The following EPB41L1 variants were observed in gnomAD, a reference collection of about 807,000 sequenced individuals.
EPB41L1 encodes the protein band 4.1-like protein 1.
Under a neutral mutation model 97.8 loss-of-function variants are expected in EPB41L1, and 29 were observed. That is an observed-to-expected ratio of 0.30 (90% confidence interval 0.22 to 0.40). EPB41L1 has a LOEUF of 0.40. Among genes scored for constraint, EPB41L1 ranks in the 10% least tolerant of loss-of-function variants. The pLI, the probability that EPB41L1 is intolerant of heterozygous loss-of-function variation, is 1.00. For missense variants in EPB41L1, 812 were observed against 1,162.3 expected (o/e 0.70, Z 4.38); for synonymous variants, 383 against 459.2 (o/e 0.83, Z 2.12).
At chr20:36,202,645 A>C (rs1387524746) in intron 14 of EPB41L1, among the ~76,000 whole-genome samples, 1 of 150,990 alleles carries the variant, frequency 6.6e-6, no homozygotes, top group Admixed American at 6.6e-5. Flanking sequence ...AATACAAATA[A>C]TAATAATAAT....
intron 1 of EPB41L1, among the ~76,000 whole-genome samples, chr20:36,167,854 G>A (rs2060805432): frequency 6.6e-6 from 1 of 152,110 alleles, no homozygotes; most frequent in Non-Finnish European, 1.5e-5. Flanking sequence ...AGACCATGGA[G>A]CAGGCTGGGG....
chr20:36,109,753 G>A lies in EPB41L1; in HGVS notation c.-64-2673G>A, dbSNP rs1250728719. ...TACAGATGAGGAAGCTGAGGCCTGT[G>A]AAGGGAAAGTGACCTGGCTACACAG... is the stretch of plus-strand genomic sequence containing the variant. On this transcript the variant is annotated intron_variant, in intron 1 of 19. Transcript: ENST00000202028. 2.0e-5 allele frequency: 3 copies of A among 152,278 alleles called. No individual in the cohort carries two copies. The East Asian group carries it at 5.8e-4, about 29-fold the overall frequency. The allele number at this position is 152,278 out of a possible 1,614,324, so 9.4% of individuals were successfully genotyped here. A position where few individuals can be genotyped will look rare whatever the true frequency, so the allele number is the denominator to read the frequency against.
chr20:36,142,044 G>A (rs1008712912), intron 2 of EPB41L1, among the ~76,000 whole-genome samples: 1 of 151,486 alleles, frequency 6.6e-6, no homozygotes, highest in African/African-American at 2.4e-5. Context: ...AGGAGGCGGA[G>A]GTTGCAGTGA....
At chr20:36,132,158 A>G (rs892993268) in intron 2 of EPB41L1, among the ~76,000 whole-genome samples, 2 of 152,134 alleles carry the variant, frequency 1.3e-5, no homozygotes, top group Admixed American at 6.5e-5. Context: ...GCCCTAACAA[A>G]TGACCATATA....
rs775663275 is a variant in EPB41L1, at chr20:36,207,273, T to C, written c.1669-2215T>C. ...TTGTGGTGTCCCCTGCCACAGGAGGTGAGCGCAGGCCTCCTCCCATCACCA... is the reference window on the plus strand; with the variant it reads ...TTGTGGTGTCCCCTGCCACAGGAGGCGAGCGCAGGCCTCCTCCCATCACCA... On this transcript the variant is annotated intron_variant, in intron 14 of 21. Coordinates refer to ENST00000338074, the MANE Select transcript of EPB41L1 (RefSeq NM_012156.2). The surrounding 1 kb of genome is among the most constrained non-coding windows in gnomAD (Gnocchi z 4.9). The C allele has an allele frequency of 4.7e-6, 6 of 1,277,474 alleles. No individual in the cohort carries two copies. The highest frequency in any genetic ancestry group is 6.1e-6 in the Non-Finnish European group (6 of 981,542). 79.1% of individuals were successfully genotyped at this position (1,277,474 alleles called of 1,614,324 possible).
intron 21 of EPB41L1, among the ~76,000 whole-genome samples, chr20:36,226,781 T>C (rs2064182392): frequency 6.6e-6 from 1 of 152,232 alleles, no homozygotes; most frequent in African/African-American, 2.4e-5. Context: ...AACACTGTAT[T>C]GTTTAGATGT....
At chr20:36,224,256 T>G (rs986412376) in intron 21 of EPB41L1, among the ~76,000 whole-genome samples, 4 of 152,208 alleles carry the variant, frequency 2.6e-5, no homozygotes, top group African/African-American at 9.7e-5. Flanking sequence ...TTTTGAAAAT[T>G]TAATATAAAA....
chr20:36,138,111 C>T (rs1569105484), intron 2 of EPB41L1, among the ~76,000 whole-genome samples: 1 of 152,204 alleles, frequency 6.6e-6, no homozygotes, highest in Non-Finnish European at 1.5e-5. Context: ...TTTATCCACT[C>T]ATCTGTCGAT....
chr20:36,200,761 TTGTG>T (rs933849264), intron 14 of EPB41L1: 1 of 400,666 alleles, frequency 2.5e-6, no homozygotes, highest in Non-Finnish European at 5.0e-6. Context: ...TTTATGGACT[TTGTG>T]TGTGTGTCTC....
chr20:36,106,498 G>A (rs1378679398), intron 1 of EPB41L1, among the ~76,000 whole-genome samples: 2 of 152,190 alleles, frequency 1.3e-5, no homozygotes, highest in Admixed American at 1.3e-4. Flanking sequence ...GAACACTACA[G>A]GAGTTCCTAT....
At chr20:36,197,286 G>A (rs1489299693) in intron 13 of EPB41L1, among the ~76,000 whole-genome samples, 1 of 152,236 alleles carries the variant, frequency 6.6e-6, no homozygotes, top group Non-Finnish European at 1.5e-5. Context: ...CAGGGCCTGA[G>A]CAGTTGTGCA....
intron 1 of EPB41L1, among the ~76,000 whole-genome samples, chr20:36,166,095 G>T (rs1347414387): frequency 6.6e-6 from 1 of 152,246 alleles, no homozygotes; most frequent in African/African-American, 2.4e-5. Context: ...TAGCCACAAA[G>T]GCTCCCAAGG....
chr20:36,210,984 G>A (rs972771328), intron 15 of EPB41L1, among the ~76,000 whole-genome samples: 1 of 152,114 alleles, frequency 6.6e-6, no homozygotes, highest in East Asian at 1.9e-4. Flanking sequence ...AAGGCAGGGG[G>A]ATCACTTGAG....
Position 36,207,073 on chromosome 20 carries a change from G to A in EPB41L1, c.1669-2415G>A, listed in dbSNP as rs537141941. ...GGCTTCAGCATTTCTTCACATGGAG[G>A]TGATCATTCCCCTGCCAGCCTCCCC... On this transcript the variant is annotated intron_variant, in intron 14 of 21. Coordinates refer to ENST00000338074, the MANE Select transcript of EPB41L1 (RefSeq NM_012156.2). The surrounding 1 kb of genome is among the most constrained non-coding windows in gnomAD (Gnocchi z 4.9). The A allele has an allele frequency of 4.9e-5, 63 of 1,289,490 alleles. No individual in the cohort carries two copies. The African/African-American group carries it at 8.8e-4, about 18-fold the overall frequency. 79.9% of individuals were successfully genotyped at this position (1,289,490 alleles called of 1,614,324 possible).
At chr20:36,126,762 C>CTGTTATTT (rs2058987697) in intron 2 of EPB41L1, among the ~76,000 whole-genome samples, 1 of 152,220 alleles carries the variant, frequency 6.6e-6, no homozygotes, top group African/African-American at 2.4e-5. Context: ...CTCCCTCTCT[C>CTGTTATTT]TGTTATTTTC....
At position 36,218,863 on chromosome 20, in the gene EPB41L1, A is replaced by G. The variant is rs748733128; in HGVS notation, c.2269-13A>G. The stretch of plus-strand genomic sequence containing the variant: ...GCTGAGAGCTGGCCATCTGAGCACT[A>G]TTGTTTCCCCAGGAGAACAGTCTCA... On this transcript the variant is annotated splice_polypyrimidine_tract_variant and intron_variant, in intron 17 of 21. Coordinates refer to ENST00000338074, the MANE Select transcript of EPB41L1 (RefSeq NM_012156.2). The G allele has an allele frequency of 6.8e-6, 11 of 1,613,728 alleles. No homozygotes were observed. Among genetic ancestry groups the G allele is most frequent in the Admixed American group, 6.7e-5 (4 of 59,998 alleles).
At chr20:36,227,160 G>A (rs2064207579) in intron 21 of EPB41L1, among the ~76,000 whole-genome samples, 1 of 152,024 alleles carries the variant, frequency 6.6e-6, no homozygotes, top group Non-Finnish European at 1.5e-5. Context: ...TATAAAAAAT[G>A]TAAAAGATTA....
chr20:36,206,289 G>C lies in EPB41L1; in HGVS notation c.1669-3199G>C. 2 of 1,289,916 alleles carry C rather than the reference G, an allele frequency of 1.6e-6. No individual in the cohort carries two copies. Among genetic ancestry groups the C allele is most frequent in the Non-Finnish European group, 2.0e-6 (2 of 988,900 alleles). The allele number at this position is 1,289,916 out of a possible 1,614,324, so 79.9% of individuals were successfully genotyped here. A position where few individuals can be genotyped will look rare whatever the true frequency, so the allele number is the denominator to read the frequency against. Reference sequence around the variant, plus strand: ...AGGGCCAGACAGAGCTGAGGAAGGGGCTGGAGGAGCCTCACACTTGTGGGA... The same window carrying C: ...AGGGCCAGACAGAGCTGAGGAAGGGCCTGGAGGAGCCTCACACTTGTGGGA... On this transcript the variant is annotated intron_variant, in intron 14 of 21. Coordinates refer to ENST00000338074, the MANE Select transcript of EPB41L1 (RefSeq NM_012156.2). This position sits in a 1 kb window ranked among gnomAD's most constrained non-coding sequence, Gnocchi z 5.5.
At chr20:36,173,346 T>C (rs2145885016) in intron 1 of EPB41L1, among the ~76,000 whole-genome samples, 1 of 152,322 alleles carries the variant, frequency 6.6e-6, no homozygotes, top group South Asian at 2.1e-4. Flanking sequence ...GTTCTTTTAG[T>C]TAAATTCTGT....
Sources: gnomAD v4.1 joint callset for allele counts (sites outside exome capture counted in the v4.1 genomes callset) on GRCh38, gnomAD v4.1.1 for gene constraint, Gnocchi (gnomAD v3.1) non-coding constraint, MANE v1.5 for transcripts, NCBI Gene and HGNC (gene_info 2026-07-23, HGNC 2026-07-21) for gene names.